The following BBS2 variants were observed in gnomAD, a reference collection of about 807,000 sequenced individuals.
BBS2 encodes the protein Bardet-Biedl syndrome 2.
Under a neutral mutation model 83.0 loss-of-function variants are expected in BBS2, and 62 were observed. The ratio of observed to expected loss-of-function variants is 0.75; its 90% CI spans 0.61 to 0.92. BBS2 has a LOEUF of 0.92. Ranked by LOEUF, BBS2 falls within the 40% of genes least tolerant of loss-of-function variation. BBS2 has a pLI of 0.00. For missense variants in BBS2, 784 were observed against 901.0 expected (o/e 0.87, Z 1.66); for synonymous variants, 303 against 326.1 (o/e 0.93, Z 0.76).
chr16:56,492,897 G>A (rs1963997706), intron 15 of BBS2, among the ~76,000 whole-genome samples: 1 of 151,860 alleles, frequency 6.6e-6, no homozygotes, highest in African/African-American at 2.4e-5. Context: ...AAACTATCCT[G>A]GCAAAAATAT....
At chr16:56,483,467 G>T (rs1402656123), downstream of BBS2, among the ~76,000 whole-genome samples, 2 of 152,142 alleles carry the variant, frequency 1.3e-5, no homozygotes, top group Non-Finnish European at 2.9e-5. Flanking sequence ...AGAAAAGTTT[G>T]TCCTAGGGGA....
chr16:56,487,205 AC>A (rs1466256983), intron 15 of BBS2, among the ~76,000 whole-genome samples: 11 of 152,276 alleles, frequency 7.2e-5, no homozygotes, highest in Non-Finnish European at 1.0e-4. Flanking sequence ...AAAAAAAAAA[AC>A]AAATGTTGAC....
chr16:56,480,489 C>T (rs1383028396), downstream of BBS2, among the ~76,000 whole-genome samples: 1 of 151,704 alleles, frequency 6.6e-6, no homozygotes, highest in East Asian at 1.9e-4. Context: ...GATCTCAACT[C>T]ACTGCAACCT....
chr16:56,498,861 C>A, intron 12 of BBS2: 1 of 543,974 alleles, frequency 1.8e-6, no homozygotes, highest in Non-Finnish European at 3.0e-6. Flanking sequence ...TCTACTTAGA[C>A]ATAGTCTTAT....
At chr16:56,477,424 T>G (rs1299896760) in intron 17 of BBS2, 1 of 152,200 alleles carries the variant, frequency 6.6e-6, no homozygotes, top group Non-Finnish European at 1.5e-5. Flanking sequence ...CCATGTGTAG[T>G]CACTTCCAAG....
rs1963128305 is a variant in BBS2, at chr16:56,470,714, A to G, written c.*1-19T>C. The G allele has an allele frequency of 3.1e-6, 5 of 1,614,118 alleles. No homozygotes were observed. The East Asian group carries it at 1.1e-4, about 36-fold the overall frequency. On this transcript the variant is annotated intron_variant, in intron 17 of 17. Transcript: ENST00000682047. ...AGTCCTCCTGAGCCAGAGAATAATC[A>G]GATGGCCATCAGCAACAACAGCCAA...
At chr16:56,474,841 C>T (rs1283893519) in intron 17 of BBS2, 9 of 1,610,906 alleles carry the variant, frequency 5.6e-6, no homozygotes, top group African/African-American at 5.4e-5. Context: ...CAAGTGTTCC[C>T]ATGTGCCAAG....
chr16:56,502,338 A>T lies in BBS2; in HGVS notation c.1059T>A (p.Arg353=). ...QKKQNLLLEL[R]NYEENAKAEL... ...CTACCTTGGCATTTTCCTCATAGTTACGGAGTTCCAGCAACAGATTCTGCT... is the reference window on the plus strand; with the variant it reads ...CTACCTTGGCATTTTCCTCATAGTTTCGGAGTTCCAGCAACAGATTCTGCT... Residue 353 remains arginine (R), a synonymous_variant, in exon 9 of 17, where the codon CGT becomes CGA. Coordinates refer to ENST00000245157, the MANE Select transcript of BBS2 (RefSeq NM_031885.5). 3.1e-6 allele frequency: 5 copies of T among 1,614,172 alleles called. No individual in the cohort carries two copies. The highest frequency in any genetic ancestry group is 4.2e-6 in the Non-Finnish European group (5 of 1,180,028).
chr16:56,510,688 A>G (rs1964550160), intron 4 of BBS2, among the ~76,000 whole-genome samples, 171 bp downstream of exon 4: 2 of 152,198 alleles, frequency 1.3e-5, no homozygotes, highest in Admixed American at 1.3e-4. Context: ...CAAGTGATTT[A>G]TTGTTCAAAA....
At position 56,497,736 on chromosome 16, in the gene BBS2, C is replaced by G; in HGVS notation, c.1797+7G>C. ...TTCTCACAAATGCATCTACCGCATT[C>G]CCTCACCTTAACTAGCACCTTTCGT... On this transcript the variant is annotated splice_region_variant and intron_variant, in intron 14 of 16. Coordinates refer to ENST00000245157, the MANE Select transcript of BBS2 (RefSeq NM_031885.5). 1 of 1,613,320 alleles carries G rather than the reference C, an allele frequency of 6.2e-7. No individual in the cohort carries two copies. Among genetic ancestry groups the G allele is most frequent in the Non-Finnish European group, 8.5e-7 (1 of 1,179,802 alleles).
chr16:56,493,150 G>T (rs537249188), intron 15 of BBS2, among the ~76,000 whole-genome samples: 3 of 152,188 alleles, frequency 2.0e-5, no homozygotes, highest in African/African-American at 7.2e-5. Flanking sequence ...ACTTTGGGAA[G>T]CCAAGGTGGG....
At chr16:56,490,630 GACTCTGTCT>G (rs1963923574) in intron 15 of BBS2, among the ~76,000 whole-genome samples, 1 of 151,984 alleles carries the variant, frequency 6.6e-6, no homozygotes, top group African/African-American at 2.4e-5. Context: ...AACAGAGTGA[GACTCTGTCT>G]CAAAAATAAA....
intron 1 of BBS2, among the ~76,000 whole-genome samples, chr16:56,516,671 G>C (rs948507691): frequency 2.0e-5 from 3 of 152,132 alleles, no homozygotes; most frequent in Non-Finnish European, 4.4e-5. Context: ...GGGATTGCAG[G>C]TGTTGAGCCA....
chr16:56,510,139 C>T (rs1597023712), intron 4 of BBS2, 105 bp from the exon 5 acceptor site: 2 of 940,776 alleles, frequency 2.1e-6, no homozygotes, highest in South Asian at 2.7e-5. Flanking sequence ...GCTTCTGCCA[C>T]CCAAGATTGA....
intron 15 of BBS2, among the ~76,000 whole-genome samples, chr16:56,487,497 G>A (rs989881682): frequency 3.9e-5 from 6 of 151,982 alleles, no homozygotes; most frequent in East Asian, 3.9e-4. Context: ...AAAATATTTC[G>A]TAATTGTCTA....
At chr16:56,491,736 A>AC (rs1963957145) in intron 15 of BBS2, among the ~76,000 whole-genome samples, 1 of 151,362 alleles carries the variant, frequency 6.6e-6, no homozygotes, top group Non-Finnish European at 1.5e-5. Context: ...AAAAAAAAAA[A>AC]AAAAAAAAAA....
At chr16:56,495,737 T>C (rs1467630278) in intron 15 of BBS2, among the ~76,000 whole-genome samples, 1 of 151,168 alleles carries the variant, frequency 6.6e-6, no homozygotes. Context: ...TGATATGGCA[T>C]TGTGATTTTT....
At position 56,502,786 on chromosome 16, in the gene BBS2, G is replaced by C. The variant is rs776282237; in HGVS notation, c.827C>G (p.Thr276Ser). 36 of 1,614,024 alleles carry C rather than the reference G, an allele frequency of 2.2e-5. No homozygotes were observed. The highest frequency in any genetic ancestry group is 3.0e-5 in the Non-Finnish European group (35 of 1,180,032). Residue 276 changes from threonine (T) to serine (S), a missense_variant, in exon 8 of 17, where the codon ACT becomes AGT. Physicochemically the swap from Thr to Ser is moderately conservative, Grantham distance 58. Coordinates refer to ENST00000245157, the MANE Select transcript of BBS2 (RefSeq NM_031885.5). ...NGKVDARSDRTGEVIFKDNFS... is the reference protein window; with the variant it reads ...NGKVDARSDRSGEVIFKDNFS... ...ATTGTCCTTAAAGATGACCTCCCCA[G>C]TTCGGTCACTTCGAGCATCAACCTA... is the stretch of plus-strand genomic sequence containing the variant.
chr16:56,475,082 G>A, intron 17 of BBS2: 1 of 922,166 alleles, frequency 1.1e-6, no homozygotes, highest in Non-Finnish European at 1.6e-6. Flanking sequence ...GGATCTCAAA[G>A]TCAAAGGGAT....
Sources: gnomAD v4.1 joint callset for allele counts (sites outside exome capture counted in the v4.1 genomes callset) on GRCh38, gnomAD v4.1.1 for gene constraint, MANE v1.5 for transcripts, NCBI Gene and HGNC (gene_info 2026-07-23, HGNC 2026-07-21) for gene names.